The following DZANK1 variants were observed in gnomAD, a reference collection of about 807,000 sequenced individuals.
DZANK1 encodes double zinc ribbon and ankyrin repeat-containing protein 1.
In DZANK1, 91 loss-of-function variants were observed where a neutral mutation model predicts 94.5. The observed-to-expected ratio is 0.96, with a 90% CI of 0.81 to 1.15. The LOEUF (loss-of-function observed/expected upper bound fraction) is 1.15, where lower values mean the gene tolerates loss of function less well. Among genes scored for constraint, DZANK1 ranks in the 50% most tolerant of loss-of-function variants. The probability of loss-of-function intolerance (pLI) is 0.00; values close to 1 mark genes in which losing one functional copy is unlikely to be tolerated. For missense variants in DZANK1, 903 were observed against 916.4 expected, an observed-to-expected ratio of 0.99 and a Z score of 0.19; for synonymous variants, 312 against 325.3, an observed-to-expected ratio of 0.96 and a Z score of 0.44.
At chr20:18,460,361 A>C (rs2059433692) in intron 2 of DZANK1, 55 bp from the exon 3 acceptor site, 1 of 1,286,244 alleles carries the variant, frequency 7.8e-7, no homozygotes, top group Non-Finnish European at 1.1e-6. Context: ...CAAGTCCCTG[A>C]ATAATGCCTA....
chr20:18,421,560 A>T (rs180954830), intron 10 of DZANK1: 2 of 152,246 alleles, frequency 1.3e-5, no homozygotes, highest in African/African-American at 4.8e-5. Context: ...GTTTGCATTT[A>T]TCAGAAGCTC....
Position 18,403,909 on chromosome 20 carries a change from T to C in DZANK1, c.1433-5283A>G, listed in dbSNP as rs551014976. 1.6e-4 allele frequency among the ~76,000 whole-genome samples: 25 copies of C among 151,786 alleles called. No individual in the cohort carries two copies. In the East Asian group the frequency reaches 4.1e-3, roughly 25 times the overall value. On this transcript the variant is annotated intron_variant, in intron 13 of 20. Transcript: ENST00000262547. ...CTGCCTCCCAGGTTTGAAAGATTCTTTGGCCTCAGACTCCCGAGTAGCTAG... is the reference window on the plus strand; with the variant it reads ...CTGCCTCCCAGGTTTGAAAGATTCTCTGGCCTCAGACTCCCGAGTAGCTAG...
At chr20:18,438,429 T>A (rs114409178) in intron 8 of DZANK1, among the ~76,000 whole-genome samples, 1 of 152,108 alleles carries the variant, frequency 6.6e-6, no homozygotes, top group African/African-American at 2.4e-5. Flanking sequence ...TCCAACTACA[T>A]GCTGTCTACT....
chr20:18,405,857 G>C (rs4814743), intron 13 of DZANK1, among the ~76,000 whole-genome samples: 61,110 of 152,158 alleles, frequency 0.4, 12,721 homozygotes, highest in Middle Eastern at 0.47. Context: ...AGCTATACAG[G>C]ATGGAAAGAG....
At chr20:18,453,898 A>AT (rs1330721266) in intron 4 of DZANK1, 71 bp from the exon 5 acceptor site, 2 of 965,050 alleles carry the variant, frequency 2.1e-6, no homozygotes, top group East Asian at 2.4e-5. Context: ...CATGATAGAG[A>AT]AAGTGTCATG....
intron 13 of DZANK1, among the ~76,000 whole-genome samples, chr20:18,409,996 G>A (rs1280423339): frequency 3.0e-5 from 4 of 133,384 alleles, no homozygotes; most frequent in South Asian, 2.4e-4. Context: ...TCACGCCACC[G>A]CACTCCAGCC....
chr20:18,395,418 T>C (rs745817221), intron 15 of DZANK1, among the ~76,000 whole-genome samples: 28 of 152,138 alleles, frequency 1.8e-4, no homozygotes, highest in Admixed American at 1.2e-3. Flanking sequence ...GAACAGTTAC[T>C]CCAATTCTAC....
rs1373479669 is a variant in DZANK1, at chr20:18,438,240, GAAATAACAC to G, written c.748-4484_748-4476del. ...TCTCAAAAAAAAAAAAAAAAAAAAA[GAAATAACAC>G]AAAAGAAAGCAGTAAACGAGGGAAA... On this transcript the variant is annotated intron_variant, in intron 8 of 20. Coordinates refer to ENST00000262547, the Ensembl canonical transcript of DZANK1. Among the ~76,000 whole-genome samples, 81 of 108,804 alleles carry G rather than the reference GAAATAACAC, an allele frequency of 7.4e-4. 2 individuals are homozygous for G. The South Asian group carries it at 0.018, about 24-fold the overall frequency. 71.4% of individuals were successfully genotyped at this position (108,804 alleles called of 152,430 possible).
At position 18,441,616 on chromosome 20, in the gene DZANK1, ATCAGAC is replaced by A. The variant is rs200560976; in HGVS notation, c.747+1725_747+1730del. On this transcript the variant is annotated intron_variant, in intron 8 of 20. Coordinates refer to ENST00000262547, the Ensembl canonical transcript of DZANK1. This position sits in a 1 kb window ranked among gnomAD's most constrained non-coding sequence, Gnocchi z 4.1. ...ACTTTGCCCCACATCCAAGGCTGAA[ATCAGAC>A]TTCATTGAATTGAGTGTGGTTGTCA... Among the ~76,000 whole-genome samples the A allele has an allele frequency of 1.3e-5, 2 of 152,212 alleles. No homozygotes were observed. The highest frequency in any genetic ancestry group is 3.9e-4 in the East Asian group (2 of 5,190).
At chr20:18,460,206 T>C (rs1458579289) in exon 3 of DZANK1, 3 of 1,593,226 alleles carry the variant, frequency 1.9e-6, no homozygotes, top group South Asian at 2.3e-5. Flanking sequence ...GAGTAATAGG[T>C]TTTATATACT....
In DZANK1 at chr20:18,393,831, GA is replaced by G. The variant is rs745787599; in HGVS notation, c.1709-21del. 1.4e-5 allele frequency: 22 copies of G among 1,530,968 alleles called. No homozygotes were observed. Among genetic ancestry groups the G allele is most frequent in the South Asian group, 3.5e-5 (3 of 86,616 alleles). 94.8% of individuals were successfully genotyped at this position (1,530,968 alleles called of 1,614,324 possible). On this transcript the variant is annotated intron_variant, in intron 16 of 20. Transcript: ENST00000262547. ...CACTCACTGAAATGACACAGTTGGG[GA>G]AAAAAATGATGCCCCTCCCCCAACT...
At chr20:18,389,594 T>G (rs2055838271) in intron 19 of DZANK1, 107 bp downstream of exon 19, 1 of 1,453,484 alleles carries the variant, frequency 6.9e-7, no homozygotes, top group African/African-American at 1.4e-5. Flanking sequence ...ATGGTTAAAG[T>G]GGCTGAAACT....
At chr20:18,415,154 T>C (rs1163543759) in intron 11 of DZANK1, among the ~76,000 whole-genome samples, 173 bp downstream of exon 11, 2 of 152,192 alleles carry the variant, frequency 1.3e-5, no homozygotes, top group Non-Finnish European at 2.9e-5. Flanking sequence ...TCATCAGAGA[T>C]GGCTCTCAGT....
rs758244223 is a variant in DZANK1, at chr20:18,394,244, A to C, written c.1708+10T>G. 3.7e-6 allele frequency: 6 copies of C among 1,611,366 alleles called. No individual in the cohort carries two copies. The South Asian group carries it at 6.6e-5, about 18-fold the overall frequency. On this transcript the variant is annotated intron_variant, in intron 16 of 20. Coordinates refer to ENST00000262547, the Ensembl canonical transcript of DZANK1. ...AGTTGTTTTAAAATTGCCAGAAGGG[A>C]ATAACTCACCCCAGCTGGACCTGCT...
intron 3 of DZANK1, among the ~76,000 whole-genome samples, chr20:18,456,060 T>C (rs2059274754): frequency 6.6e-6 from 1 of 152,202 alleles, no homozygotes; most frequent in Non-Finnish European, 1.5e-5. Flanking sequence ...GGAGGCATAG[T>C]TCATTGGGGG....
chr20:18,384,517 T>C, exon 21 of DZANK1: 2 of 1,611,132 alleles, frequency 1.2e-6, no homozygotes, highest in Non-Finnish European at 1.7e-6. Context: ...AGCCAGGTCG[T>C]ATGCTGTCTG....
intron 3 of DZANK1, among the ~76,000 whole-genome samples, chr20:18,457,588 A>G (rs2059333173): frequency 6.6e-6 from 1 of 152,224 alleles, no homozygotes; most frequent in Non-Finnish European, 1.5e-5. Flanking sequence ...CAGAAGCACG[A>G]TAGCAAGTTT....
chr20:18,413,085 G>T, intron 12 of DZANK1: 1 of 565,722 alleles, frequency 1.8e-6, no homozygotes, highest in Non-Finnish European at 3.1e-6. Context: ...CAAATCAAGG[G>T]GTGTTTGCCG....
At chr20:18,383,541 A>G (rs2048310025) in exon 21 of DZANK1, 1 of 152,244 alleles carries the variant, frequency 6.6e-6, no homozygotes, top group African/African-American at 2.4e-5. Flanking sequence ...GATACAGAAC[A>G]GTGTGTGGTT....
Sources: allele counts gnomAD v4.1 joint callset (sites outside exome capture counted in the v4.1 genomes callset), GRCh38; gene constraint gnomAD v4.1.1; non-coding constraint Gnocchi (gnomAD v3.1); transcripts MANE v1.5; gene names NCBI Gene and HGNC (gene_info 2026-07-23, HGNC 2026-07-21).